The following ZP3 variants were observed in gnomAD, a reference collection of about 807,000 sequenced individuals.
ZP3 encodes the protein zona pellucida sperm-binding protein 3.
A neutral mutation model predicts 35.6 loss-of-function variants in ZP3; 21 were observed. The observed-to-expected ratio is 0.59, with a 90% CI of 0.42 to 0.85. The LOEUF is 0.85. ZP3 is among the 40% of genes least tolerant of loss of function. ZP3 has a pLI of 0.00. For synonymous variants in ZP3, 207 were observed against 214.5 expected (o/e 0.96, Z 0.31); for missense variants, 437 against 536.5 (o/e 0.81, Z 1.83).
intron 1 of ZP3, among the ~76,000 whole-genome samples, chr7:76,413,663 AT>A (rs1805302471): frequency 6.6e-6 from 1 of 151,942 alleles, no homozygotes; most frequent in Admixed American, 6.6e-5. Context: ...TAATATTTTA[AT>A]TTTATTTATT....
At chr7:76,400,538 G>A in intron 1 of ZP3, 3 of 1,555,638 alleles carry the variant, frequency 1.9e-6, no homozygotes, top group Non-Finnish European at 2.6e-6. Flanking sequence ...GAGCCACCGT[G>A]CATGACTTCC....
Position 76,436,936 on chromosome 7 carries a change from G to A in ZP3, c.831+2781G>A, listed in dbSNP as rs535170239. On this transcript the variant is annotated intron_variant, in intron 5 of 7. Transcript: ENST00000394857. ...TGCTGTTTAATGGAAGATAGTCTGA[G>A]CCCTTGGAGGGCCCCCCTTCAAAGG... Among the ~76,000 whole-genome samples, 64 of 152,284 alleles carry A rather than the reference G, an allele frequency of 4.2e-4. 1 individual carries two copies. Among genetic ancestry groups the A allele is most frequent in the African/African-American group, 1.5e-3 (63 of 41,556 alleles).
chr7:76,416,122 C>G (rs1805364167), intron 1 of ZP3, among the ~76,000 whole-genome samples: 1 of 149,794 alleles, frequency 6.7e-6, no homozygotes, highest in Non-Finnish European at 1.5e-5. Context: ...AACAGCAAAA[C>G]TCCGTCTCAA....
upstream of ZP3, among the ~76,000 whole-genome samples, chr7:76,424,357 G>A (rs894705736): frequency 1.3e-5 from 2 of 152,290 alleles, no homozygotes; most frequent in East Asian, 1.9e-4. Flanking sequence ...GGGCGGGCGC[G>A]GTGGCTCACA....
At chr7:76,411,896 T>G (rs1584042227) in intron 1 of ZP3, among the ~76,000 whole-genome samples, 1 of 152,154 alleles carries the variant, frequency 6.6e-6, no homozygotes, top group South Asian at 2.1e-4. Context: ...ACAGGAAGCA[T>G]TCAAAATTTC....
intron 1 of ZP3, among the ~76,000 whole-genome samples, chr7:76,407,367 T>G (rs747470678): frequency 2.6e-4 from 40 of 151,460 alleles, no homozygotes; most frequent in Non-Finnish European, 5.0e-4. Context: ...AGTCTCGCCT[T>G]GTCGCCCAGG....
At chr7:76,411,286 G>C (rs578008315) in intron 1 of ZP3, among the ~76,000 whole-genome samples, 1 of 152,180 alleles carries the variant, frequency 6.6e-6, no homozygotes, top group African/African-American at 2.4e-5. Context: ...GCAAACAGTG[G>C]CCAGGAGTAG....
At chr7:76,403,017 G>A (rs1804879603) in intron 1 of ZP3, among the ~76,000 whole-genome samples, 1 of 152,198 alleles carries the variant, frequency 6.6e-6, no homozygotes, top group African/African-American at 2.4e-5. Flanking sequence ...TAATTTATAA[G>A]TTAGGCAGGA....
At chr7:76,421,250 G>C (rs932030804), upstream of ZP3, among the ~76,000 whole-genome samples, 1 of 151,476 alleles carries the variant, frequency 6.6e-6, no homozygotes, top group Non-Finnish European at 1.5e-5. Context: ...ACATTTTTTT[G>C]AGATGAGGTC....
intron 5 of ZP3, among the ~76,000 whole-genome samples, chr7:76,436,928 T>C (rs1806033662): frequency 6.6e-6 from 1 of 152,184 alleles, no homozygotes; most frequent in Admixed American, 6.6e-5. Flanking sequence ...TAATGGAAGA[T>C]AGTCTGAGCC....
intron 7 of ZP3, among the ~76,000 whole-genome samples, chr7:76,441,527 T>TA (rs953699739): frequency 1.3e-5 from 2 of 151,898 alleles, no homozygotes; most frequent in African/African-American, 4.8e-5. Context: ...TAGCTGAGAC[T>TA]ACAGGCATGT....
chr7:76,429,779 G>A (rs768711601), intron 2 of ZP3, 146 bp downstream of exon 2: 36 of 708,798 alleles, frequency 5.1e-5, no homozygotes, highest in Non-Finnish European at 7.3e-5. Context: ...ACTGTACTGC[G>A]TGGGATTGTG....
chr7:76,440,106 C>A lies in ZP3; in HGVS notation c.832-144C>A, dbSNP rs1201734813. 5 of 1,450,828 alleles carry A rather than the reference C, an allele frequency of 3.4e-6. No homozygotes were observed. The African/African-American group carries it at 7.1e-5, about 21-fold the overall frequency. The allele number at this position is 1,450,828 out of a possible 1,614,324, so 89.9% of individuals were successfully genotyped here. A position where few individuals can be genotyped will look rare whatever the true frequency, so the allele number is the denominator to read the frequency against. On this transcript the variant is annotated intron_variant, in intron 5 of 7. Coordinates refer to ENST00000394857, the MANE Select transcript of ZP3 (RefSeq NM_001110354.2). Reference sequence around the variant, plus strand: ...AGGTGATCTACCCGCCTTGGGCTCCCAAAGTGCTGGGATTATAGGTGTGTG... The same window carrying A: ...AGGTGATCTACCCGCCTTGGGCTCCAAAAGTGCTGGGATTATAGGTGTGTG...
chr7:76,426,045 T>C (rs539080330), intron 1 of ZP3, among the ~76,000 whole-genome samples: 12 of 148,858 alleles, frequency 8.1e-5, no homozygotes, highest in African/African-American at 3.0e-4. Context: ...ATTGTGCCAC[T>C]GCACTCCAGC....
chr7:76,423,425 C>G (rs1305266927), upstream of ZP3, among the ~76,000 whole-genome samples: 2 of 152,098 alleles, frequency 1.3e-5, no homozygotes, highest in African/African-American at 2.4e-5. Context: ...TTATGGGCCA[C>G]CTGGTAGTCT....
chr7:76,440,660 G>A (rs1806171458), intron 7 of ZP3, 49 bp downstream of exon 7: 1 of 1,564,226 alleles, frequency 6.4e-7, no homozygotes. Context: ...TTACTCAGTT[G>A]AGGGTACCTG....
At chr7:76,426,441 C>G (rs1480634134) in intron 1 of ZP3, among the ~76,000 whole-genome samples, 2 of 152,290 alleles carry the variant, frequency 1.3e-5, no homozygotes, top group South Asian at 4.1e-4. Flanking sequence ...AGTAGCTTGC[C>G]TGGGATGGGG....
chr7:76,425,845 C>T (rs1466993776), intron 1 of ZP3, among the ~76,000 whole-genome samples: 1 of 151,982 alleles, frequency 6.6e-6, no homozygotes, highest in Non-Finnish European at 1.5e-5. Context: ...GTGGCTCACG[C>T]CTGTAATTCC....
intron 1 of ZP3, among the ~76,000 whole-genome samples, chr7:76,417,614 C>CT (rs199614229): frequency 0.076 from 10,881 of 143,118 alleles, 924 homozygotes; most frequent in African/African-American, 0.21. Flanking sequence ...TTCTTTTATT[C>CT]TTTTTTTTTT....
Sources: gnomAD v4.1 joint callset for allele counts (sites outside exome capture counted in the v4.1 genomes callset) on GRCh38, gnomAD v4.1.1 for gene constraint, MANE v1.5 for transcripts, NCBI Gene and HGNC (gene_info 2026-07-23, HGNC 2026-07-21) for gene names.